Variants in ATP2B3 observed in about 807,000 individuals in gnomAD.
ATP2B3 encodes plasma membrane calcium-transporting ATPase 3.
Under a neutral mutation model 70.8 loss-of-function variants are expected in ATP2B3, and 12 were observed. The ratio of observed to expected loss-of-function variants is 0.17; its 90% CI spans 0.11 to 0.27. The LOEUF (loss-of-function observed/expected upper bound fraction) is 0.27. Among genes scored for constraint, ATP2B3 ranks in the 10% least tolerant of loss-of-function variants. The probability of loss-of-function intolerance (pLI) is 1.00; values close to 1 mark genes in which losing one functional copy is unlikely to be tolerated. For synonymous variants in ATP2B3, 460 were observed against 497.8 expected (o/e 0.92, Z 1.01); for missense variants, 858 against 1,118.5 (o/e 0.77, Z 3.32).
chrX:153,541,745 G>C lies in ATP2B3; in HGVS notation c.483G>C (p.Leu161=), dbSNP rs201145269. Residue 161 remains leucine (L), a synonymous_variant, in exon 5 of 22, where the codon CTG becomes CTC. Coordinates refer to ENST00000263519, the MANE Select transcript of ATP2B3 (RefSeq NM_001001344.3). ...GCTGGATCGAGGGGGCTGCCATCCTGCTGTCCGTCATCTGTGTGGTGCTGG... is the reference window on the plus strand; with the variant it reads ...GCTGGATCGAGGGGGCTGCCATCCTCCTGTCCGTCATCTGTGTGGTGCTGG... ...EAGWIEGAAI[L]LSVICVVLVT... is the part of the protein sequence containing the mutation. 49 of 1,209,940 alleles carry C rather than the reference G, an allele frequency of 4.0e-5. No homozygotes were observed. Among genetic ancestry groups the C allele is most frequent in the Non-Finnish European group, 4.9e-5 (44 of 895,235 alleles).
chrX:153,573,596 C>T (rs782072217), intron 21 of ATP2B3, among the ~76,000 whole-genome samples: 21 of 112,844 alleles, frequency 1.9e-4, no homozygotes, highest in East Asian at 8.4e-4. Context: ...GGCACCAGAA[C>T]GCAGCCTAGG....
At chrX:153,539,404 G>C (rs531050876) in intron 3 of ATP2B3, among the ~76,000 whole-genome samples, 1 of 112,937 alleles carries the variant, frequency 8.9e-6, no homozygotes, top group South Asian at 3.7e-4. Flanking sequence ...CCGTCGCCTA[G>C]CTGGGGTGAA....
chrX:153,557,247 G>A (rs1441484837), intron 16 of ATP2B3, among the ~76,000 whole-genome samples: 1 of 111,988 alleles, frequency 8.9e-6, no homozygotes, highest in Non-Finnish European at 1.9e-5. Context: ...GTGACAGTGG[G>A]CCCCAGACAT....
At position 153,558,012 on chromosome X, in the gene ATP2B3, G is replaced by A. The variant is rs1603094389; in HGVS notation, c.2434-100G>A. On this transcript the variant is annotated intron_variant, in intron 16 of 21. Transcript: ENST00000263519. ...GCGGGGTGGGATGTTATTCAGAAGG[G>A]GAGAGCAGGGAGCCAGCCCAGGCGG... is the stretch of plus-strand genomic sequence containing the variant. 19 of 841,238 alleles carry A rather than the reference G, an allele frequency of 2.3e-5. No homozygotes were observed. The East Asian group carries it at 6.2e-4, about 27-fold the overall frequency. 69.3% of individuals were successfully genotyped at this position (841,238 alleles called of 1,213,427 possible).
intron 21 of ATP2B3, among the ~76,000 whole-genome samples, chrX:153,575,755 G>A (rs1361043135): frequency 1.8e-5 from 2 of 112,465 alleles, no homozygotes; most frequent in Middle Eastern, 4.6e-3. Flanking sequence ...CCGAGAGCCA[G>A]AAGAGAGTAC....
chrX:153,548,144 C>A (rs1230336013), intron 9 of ATP2B3, 145 bp downstream of exon 9: 10 of 834,100 alleles, frequency 1.2e-5, no homozygotes, highest in Admixed American at 3.9e-5. Context: ...GGGCACAGGC[C>A]AGGCCGGCAG....
intron 13 of ATP2B3, among the ~76,000 whole-genome samples, chrX:153,553,532 G>A (rs1437958828): frequency 1.8e-5 from 2 of 112,123 alleles, no homozygotes; most frequent in African/African-American, 3.2e-5. Context: ...CGGAGAGACC[G>A]TCGACATTTG....
At chrX:153,561,270 C>T (rs1557016200) in intron 19 of ATP2B3, among the ~76,000 whole-genome samples, 1 of 112,411 alleles carries the variant, frequency 8.9e-6, no homozygotes, top group Non-Finnish European at 1.9e-5. Flanking sequence ...TTGGAGATGA[C>T]CTCTGTGCCC....
At chrX:153,562,889 T>A (rs2090646014) in intron 20 of ATP2B3, among the ~76,000 whole-genome samples, 1 of 112,464 alleles carries the variant, frequency 8.9e-6, no homozygotes, top group Non-Finnish European at 1.9e-5. Context: ...GGCCAGTTCC[T>A]GGTGAGGGCT....
chrX:153,575,389 CAA>C (rs1209446613), intron 21 of ATP2B3, among the ~76,000 whole-genome samples: 1 of 112,509 alleles, frequency 8.9e-6, no homozygotes, highest in African/African-American at 3.2e-5. Flanking sequence ...CTGGGGAAGA[CAA>C]GAGTGAGGGG....
chrX:153,571,522 C>T (rs2090789688), intron 21 of ATP2B3, among the ~76,000 whole-genome samples: 1 of 111,565 alleles, frequency 9.0e-6, no homozygotes, highest in African/African-American at 3.3e-5. Flanking sequence ...TCTCCAGGTC[C>T]AGCCCAGCCT....
intron 2 of ATP2B3, among the ~76,000 whole-genome samples, chrX:153,529,422 G>A: frequency 9.0e-6 from 1 of 111,691 alleles, no homozygotes; most frequent in Non-Finnish European, 1.9e-5. Context: ...GGCTGATTGG[G>A]CTGGTCAAGG....
At chrX:153,525,485 G>A (rs1429959525) in intron 2 of ATP2B3, among the ~76,000 whole-genome samples, 1 of 111,982 alleles carries the variant, frequency 8.9e-6, no homozygotes, top group Non-Finnish European at 1.9e-5. Context: ...GGCAGAGCAA[G>A]GGCTCACCAG....
intron 21 of ATP2B3, among the ~76,000 whole-genome samples, chrX:153,574,359 A>G (rs2090828775): frequency 8.9e-6 from 1 of 112,091 alleles, no homozygotes; most frequent in South Asian, 3.7e-4. Flanking sequence ...ATGCCTGGGG[A>G]GCTGACAGGT....
intron 21 of ATP2B3, among the ~76,000 whole-genome samples, chrX:153,575,537 G>T (rs782108839): frequency 2.9e-4 from 32 of 111,994 alleles, no homozygotes; most frequent in Admixed American, 2.2e-3. Flanking sequence ...GGCTTGTAGC[G>T]GGGGAGACCA....
chrX:153,565,694 C>T (rs1457726490), intron 21 of ATP2B3, among the ~76,000 whole-genome samples: 1 of 112,409 alleles, frequency 8.9e-6, no homozygotes, highest in Non-Finnish European at 1.9e-5. Flanking sequence ...CAGTATCAGG[C>T]GCTTGCCAGA....
chrX:153,527,493 CAT>C (rs1447346073), intron 2 of ATP2B3, among the ~76,000 whole-genome samples: 1 of 112,936 alleles, frequency 8.9e-6, no homozygotes, highest in Non-Finnish European at 1.9e-5. Context: ...TAATTAGTGT[CAT>C]TATGCTTCCT....
At chrX:153,518,188 A>G (rs2089905020) in intron 1 of ATP2B3, among the ~76,000 whole-genome samples, 1 of 112,367 alleles carries the variant, frequency 8.9e-6, no homozygotes, top group African/African-American at 3.2e-5. Context: ...GCCGGGGCTC[A>G]GGGTGGGCGC....
chrX:153,558,672 A>G (rs945937561), intron 17 of ATP2B3, among the ~76,000 whole-genome samples: 1 of 112,036 alleles, frequency 8.9e-6, no homozygotes, highest in African/African-American at 3.3e-5. Context: ...TATGGGATCA[A>G]ATAATATGTG....
Sources: allele counts gnomAD v4.1 joint callset (sites outside exome capture counted in the v4.1 genomes callset), GRCh38; gene constraint gnomAD v4.1.1; transcripts MANE v1.5; gene names NCBI Gene and HGNC (gene_info 2026-07-23, HGNC 2026-07-21).